Variants in GRID1 observed in about 807,000 individuals in gnomAD.
GRID1 encodes glutamate receptor ionotropic, delta-1.
GRID1 carries 28 observed loss-of-function variants against 98.0 expected under a neutral mutation model. That is an observed-to-expected ratio of 0.29 (90% CI 0.21 to 0.39). GRID1 has a LOEUF of 0.39. Among genes scored for constraint, GRID1 ranks in the 10% least tolerant of loss-of-function variants. The pLI, the probability that GRID1 is intolerant of heterozygous loss-of-function variation, is 1.00. For missense variants in GRID1, 1,111 were observed against 1,340.5 expected (o/e 0.83, Z 2.67); for synonymous variants, 553 against 538.5 (o/e 1.03, Z -0.37).
chr10:86,135,516 G>T (rs1844910969), intron 4 of GRID1, among the ~76,000 whole-genome samples: 1 of 152,132 alleles, frequency 6.6e-6, no homozygotes, highest in Non-Finnish European at 1.5e-5. Context: ...AGATGATGCA[G>T]TGTTGTGGTG....
At chr10:86,216,639 G>A (rs755057241) in intron 2 of GRID1, among the ~76,000 whole-genome samples, 3 of 152,180 alleles carry the variant, frequency 2.0e-5, no homozygotes, top group South Asian at 4.1e-4. Context: ...AAAGGACAAC[G>A]AGAAGCTTGG....
chr10:85,954,226 G>A (rs1842161585), intron 4 of GRID1, among the ~76,000 whole-genome samples: 1 of 152,140 alleles, frequency 6.6e-6, no homozygotes, highest in Non-Finnish European at 1.5e-5. Context: ...ATAGCACTCA[G>A]GACAGGAGGA....
At chr10:85,660,947 A>C (rs898613907) in intron 12 of GRID1, among the ~76,000 whole-genome samples, 2 of 152,178 alleles carry the variant, frequency 1.3e-5, no homozygotes, top group African/African-American at 4.8e-5. Flanking sequence ...CATCTACACA[A>C]CAGGAATATT....
At chr10:86,020,380 G>A (rs1185303847) in intron 4 of GRID1, among the ~76,000 whole-genome samples, 1 of 152,218 alleles carries the variant, frequency 6.6e-6, no homozygotes, top group Non-Finnish European at 1.5e-5. Context: ...AGCCATCCAT[G>A]CTGGATGTGC....
At chr10:85,975,848 T>G (rs1842465728) in intron 4 of GRID1, among the ~76,000 whole-genome samples, 1 of 152,204 alleles carries the variant, frequency 6.6e-6, no homozygotes, top group South Asian at 2.1e-4. Flanking sequence ...AATAGTGGTT[T>G]CTTTCCTATA....
chr10:85,990,947 T>A (rs1256480954), intron 4 of GRID1, among the ~76,000 whole-genome samples: 1 of 152,224 alleles, frequency 6.6e-6, no homozygotes, highest in Non-Finnish European at 1.5e-5. Flanking sequence ...AAAAAGTTCA[T>A]GTTCATTTTA....
intron 6 of GRID1, among the ~76,000 whole-genome samples, chr10:85,862,413 G>C (rs1053225251): frequency 6.6e-6 from 1 of 152,180 alleles, no homozygotes; most frequent in Non-Finnish European, 1.5e-5. Flanking sequence ...GAGGCTGCTG[G>C]GGAAAGAGAT....
chr10:86,343,176 C>T (rs1217427290), intron 2 of GRID1, among the ~76,000 whole-genome samples: 1 of 152,150 alleles, frequency 6.6e-6, no homozygotes, highest in African/African-American at 2.4e-5. Flanking sequence ...GGTTATTCAC[C>T]TTCTTCTAAC....
chr10:85,953,544 T>C (rs73338196), intron 4 of GRID1, among the ~76,000 whole-genome samples: 134 of 152,336 alleles, frequency 8.8e-4, no homozygotes, highest in African/African-American at 3.1e-3. Context: ...CTAGGATATT[T>C]TGTGAGAAGA....
intron 8 of GRID1, among the ~76,000 whole-genome samples, chr10:85,805,059 A>C (rs985628283): frequency 2.1e-4 from 32 of 151,554 alleles, no homozygotes; most frequent in African/African-American, 7.7e-4. Flanking sequence ...TATCTAAAAA[A>C]TGCAAAGAAG....
intron 2 of GRID1, among the ~76,000 whole-genome samples, chr10:86,300,503 GGGGAGGGGAA>G (rs1488188518): frequency 0.12 from 4,705 of 39,798 alleles, 1,086 homozygotes; most frequent in Non-Finnish European, 0.25. Context: ...AGGAAAGACA[GGGGAGGGGAA>G]GGGAGGGGAA....
intron 4 of GRID1, among the ~76,000 whole-genome samples, chr10:86,041,289 G>A (rs1047527790): frequency 3.3e-5 from 5 of 152,220 alleles, no homozygotes; most frequent in African/African-American, 1.2e-4. Flanking sequence ...CCTGGAAGGC[G>A]TGAAGTCTTG....
At chr10:85,911,525 C>A (rs1443131965) in intron 5 of GRID1, among the ~76,000 whole-genome samples, 1 of 152,164 alleles carries the variant, frequency 6.6e-6, no homozygotes, top group Non-Finnish European at 1.5e-5. Context: ...GCTGCTGACC[C>A]ACAGATCACC....
chr10:86,003,687 C>A (rs1032477213), intron 4 of GRID1, among the ~76,000 whole-genome samples: 1 of 152,142 alleles, frequency 6.6e-6, no homozygotes, highest in Non-Finnish European at 1.5e-5. Context: ...GGTTTAGAAG[C>A]CAATGGCCAA....
chr10:85,815,093 C>T (rs970477135), intron 8 of GRID1, among the ~76,000 whole-genome samples: 5 of 152,012 alleles, frequency 3.3e-5, no homozygotes, highest in African/African-American at 1.2e-4. Context: ...ACTGCTTTCA[C>T]ATACAAAAAT....
chr10:85,798,485 CAACAGGGT>C (rs1842545304), intron 8 of GRID1, among the ~76,000 whole-genome samples: 1 of 152,124 alleles, frequency 6.6e-6, no homozygotes, highest in Non-Finnish European at 1.5e-5. Flanking sequence ...ACCTTTCCAC[CAACAGGGT>C]AAAATAATTT....
intron 13 of GRID1, among the ~76,000 whole-genome samples, chr10:85,633,453 G>T (rs1842997288): frequency 6.6e-6 from 1 of 152,180 alleles, no homozygotes; most frequent in African/African-American, 2.4e-5. Flanking sequence ...TGAGACCCAT[G>T]AAACTGTACC....
chr10:85,667,778 C>G (rs761273093), intron 12 of GRID1, among the ~76,000 whole-genome samples: 2 of 152,178 alleles, frequency 1.3e-5, no homozygotes, highest in East Asian at 3.9e-4. Context: ...ATGAGTCCAG[C>G]CTGTTCGTGT....
intron 8 of GRID1, among the ~76,000 whole-genome samples, chr10:85,781,645 C>G (rs1436945870): frequency 6.6e-6 from 1 of 152,098 alleles, no homozygotes; most frequent in Non-Finnish European, 1.5e-5. Context: ...CTAACTCATT[C>G]CCTCAAGCCT....
Sources: allele counts gnomAD v4.1 joint callset (sites outside exome capture counted in the v4.1 genomes callset), GRCh38; gene constraint gnomAD v4.1.1; transcripts MANE v1.5; gene names NCBI Gene and HGNC (gene_info 2026-07-23, HGNC 2026-07-21).